Variants in PHAX observed in about 807,000 individuals in gnomAD.
PHAX encodes phosphorylated adapter RNA export protein.
A neutral mutation model predicts 41.6 loss-of-function variants in PHAX; 31 were observed. The ratio of observed to expected loss-of-function variants is 0.75; its 90% CI spans 0.56 to 1.01. The LOEUF is 1.01. Ranked by LOEUF, PHAX falls within the 50% of genes least tolerant of loss-of-function variation. The pLI, the probability that PHAX is intolerant of heterozygous loss-of-function variation, is 0.00. For missense variants in PHAX, 453 were observed against 472.9 expected, an observed-to-expected ratio of 0.96 and a Z score of 0.39; for synonymous variants, 175 against 164.9, an observed-to-expected ratio of 1.06 and a Z score of -0.47.
rs368214269 is a variant in PHAX, at chr5:126,604,052, G to C, written c.579G>C (p.Gly193=). 9.3e-6 allele frequency: 15 copies of C among 1,613,816 alleles called. No homozygotes were observed. Among genetic ancestry groups the C allele is most frequent in the Non-Finnish European group, 1.2e-5 (14 of 1,179,970 alleles). The change falls in exon 2 of 5, where the codon GGG becomes GGC. Residue 193 remains glycine (G), a synonymous_variant. Coordinates refer to ENST00000297540, the MANE Select transcript of PHAX (RefSeq NM_032177.4). The part of the protein sequence containing the change: ...KKMGSKEEEN[G]QGHLKRKRPV... The stretch of plus-strand genomic sequence containing the variant: ...TGGGATCAAAGGAAGAGGAAAATGG[G>C]CAAGGTCATCTCAAAAGGAAACGAC...
At chr5:126,615,143 T>G (rs1752164792) in intron 3 of PHAX, among the ~76,000 whole-genome samples, 1 of 152,150 alleles carries the variant, frequency 6.6e-6, no homozygotes, top group South Asian at 2.1e-4. Flanking sequence ...CTTAGAAACC[T>G]TATCAAGTAT....
chr5:126,624,089 A>G (rs1752311518), intron 4 of PHAX, among the ~76,000 whole-genome samples: 1 of 150,266 alleles, frequency 6.7e-6, no homozygotes, highest in South Asian at 2.1e-4. Context: ...GCTCACTGCA[A>G]CCTCTGTCTC....
At position 126,619,116 on chromosome 5, in the gene PHAX, G is replaced by A. The variant is rs150927017; in HGVS notation, c.915+1783G>A. Reference sequence around the variant, plus strand: ...TAATTTTTGTATTTTTTGTAGAGACGGAGTTTCTCCATGTTGGCCAGGCTG... The same window carrying A: ...TAATTTTTGTATTTTTTGTAGAGACAGAGTTTCTCCATGTTGGCCAGGCTG... On this transcript the variant is annotated intron_variant, in intron 4 of 4. Coordinates refer to ENST00000297540, the MANE Select transcript of PHAX (RefSeq NM_032177.4). 6.7e-3 allele frequency among the ~76,000 whole-genome samples: 1,026 copies of A among 152,042 alleles called. 12 individuals are homozygous for A. The highest frequency in any genetic ancestry group is 0.024 in the African/African-American group (991 of 41,482).
chr5:126,625,064 TC>T lies in PHAX; in HGVS notation c.*221del. The T allele has an allele frequency of 2.0e-6, 1 of 493,750 alleles. No individual in the cohort carries two copies. The highest frequency in any genetic ancestry group is 3.4e-5 in the East Asian group (1 of 28,992). The allele number at this position is 493,750 out of a possible 1,614,324, so 30.6% of individuals were successfully genotyped here. ...AGAGTATATAGCACAGGATTTAATTTCTCAATCTGTTGCATGTGCTAATTAT... is the reference window on the plus strand; with the variant it reads ...AGAGTATATAGCACAGGATTTAATTTTCAATCTGTTGCATGTGCTAATTAT... On this transcript the variant is annotated 3_prime_UTR_variant, in exon 5 of 5. Coordinates refer to ENST00000297540, the MANE Select transcript of PHAX (RefSeq NM_032177.4).
In PHAX at chr5:126,602,106, C is replaced by T. The variant is rs536212560; in HGVS notation, c.96+1048C>T. Among the ~76,000 whole-genome samples the T allele has an allele frequency of 9.2e-5, 14 of 152,064 alleles. No individual in the cohort carries two copies. The East Asian group carries it at 1.5e-3, about 17-fold the overall frequency. On this transcript the variant is annotated intron_variant, in intron 1 of 4. Transcript: ENST00000297540. ...GATTACAGGCGTGAGCCACCTCGCCCGGCCTAATTTTTGTATTTTTAGTAG... is the reference window on the plus strand; with the variant it reads ...GATTACAGGCGTGAGCCACCTCGCCTGGCCTAATTTTTGTATTTTTAGTAG...
In PHAX at chr5:126,604,182, A is replaced by C; in HGVS notation, c.709A>C (p.Arg237=). 2 of 1,523,662 alleles carry C rather than the reference A, an allele frequency of 1.3e-6. No homozygotes were observed. Among genetic ancestry groups the C allele is most frequent in the Non-Finnish European group, 1.8e-6 (2 of 1,138,550 alleles). The allele number at this position is 1,523,662 out of a possible 1,614,324, so 94.4% of individuals were successfully genotyped here. A position where few individuals can be genotyped will look rare whatever the true frequency, so the allele number is the denominator to read the frequency against. Residue 237 remains arginine, a splice_region_variant and synonymous_variant, in exon 2 of 5, where the codon AGG becomes CGG. Transcript: ENST00000297540. ...QEKVADEISF[R]LQEPKKDLIA... Reference sequence around the variant, plus strand: ...GAAAGTGGCTGATGAAATTTCATTCAGGTGAGCATTTGAATTACAAATAAG... The same window carrying C: ...GAAAGTGGCTGATGAAATTTCATTCCGGTGAGCATTTGAATTACAAATAAG...
At chr5:126,622,200 C>A (rs1367567837) in intron 4 of PHAX, among the ~76,000 whole-genome samples, 4 of 152,164 alleles carry the variant, frequency 2.6e-5, no homozygotes, top group African/African-American at 4.8e-5. Flanking sequence ...GTGGCGCGCT[C>A]TCGGCTCACT....
intron 3 of PHAX, among the ~76,000 whole-genome samples, chr5:126,614,534 T>A (rs1346570883): frequency 6.6e-6 from 1 of 152,128 alleles, no homozygotes; most frequent in Non-Finnish European, 1.5e-5. Flanking sequence ...TAAGGGAAAT[T>A]TATGTGTACA....
At chr5:126,608,221 T>A (rs1752019924) in intron 2 of PHAX, 143 bp from the exon 3 acceptor site, 6 of 873,870 alleles carry the variant, frequency 6.9e-6, no homozygotes, top group African/African-American at 1.7e-5. Flanking sequence ...TATTTACATG[T>A]CAGTGATTCC....
chr5:126,606,702 A>T (rs1388717310), intron 2 of PHAX, among the ~76,000 whole-genome samples: 2 of 151,900 alleles, frequency 1.3e-5, no homozygotes, highest in Non-Finnish European at 2.9e-5. Flanking sequence ...CCCAGGATGG[A>T]GTGCAGTGGC....
intron 1 of PHAX, among the ~76,000 whole-genome samples, chr5:126,602,465 T>TA (rs1199754342): frequency 6.6e-6 from 1 of 152,244 alleles, no homozygotes; most frequent in Non-Finnish European, 1.5e-5. Flanking sequence ...CTGTGGAGCA[T>TA]ACAGTGTGCA....
Position 126,611,095 on chromosome 5 carries a change from G to T in PHAX, c.831+2611G>T, listed in dbSNP as rs1401935484. ...TTTGAGATGTAGTTTTGCTCTTGTT[G>T]CCCAGGCTGGAGTCCAATGGCGCAA... On this transcript the variant is annotated intron_variant, in intron 3 of 4. Coordinates refer to ENST00000297540, the MANE Select transcript of PHAX (RefSeq NM_032177.4). Among the ~76,000 whole-genome samples the T allele has an allele frequency of 2.0e-5, 3 of 146,736 alleles. No individual in the cohort carries two copies. In the Admixed American group the frequency reaches 2.1e-4, roughly 10 times the overall value.
chr5:126,608,223 A>C (rs1752019954), intron 2 of PHAX, 141 bp from the exon 3 acceptor site: 4 of 878,810 alleles, frequency 4.6e-6, no homozygotes, highest in Non-Finnish European at 5.0e-6. Context: ...TTTACATGTC[A>C]GTGATTCCAA....
intron 3 of PHAX, among the ~76,000 whole-genome samples, chr5:126,611,352 C>A (rs1278553503): frequency 1.3e-5 from 2 of 152,238 alleles, no homozygotes; most frequent in African/African-American, 4.8e-5. Flanking sequence ...CCACGCCCGG[C>A]CTCCAAATTT....
Position 126,604,159 on chromosome 5 carries a change from A to C in PHAX, c.686A>C (p.Lys229Thr). The part of the protein sequence containing the change: ...YEITAEDSQE[K>T]VADEISFRLQ... ...ATCACAGCGGAAGATTCTCAAGAGA[A>C]AGTGGCTGATGAAATTTCATTCAGG... is the stretch of plus-strand genomic sequence containing the variant. Residue 229 changes from lysine to threonine, a missense_variant, in exon 2 of 5, where the codon AAA becomes ACA. Transcript: ENST00000297540. 1 of 1,535,552 alleles carries C rather than the reference A, an allele frequency of 6.5e-7. No individual in the cohort carries two copies. Among genetic ancestry groups the C allele is most frequent in the Non-Finnish European group, 8.7e-7 (1 of 1,144,040 alleles).
In PHAX at chr5:126,621,930, C is replaced by G. The variant is rs184692199; in HGVS notation, c.916-2645C>G. Among the ~76,000 whole-genome samples the G allele has an allele frequency of 1.9e-3, 290 of 152,246 alleles. 1 individual carries two copies. Among genetic ancestry groups the G allele is most frequent in the Admixed American group, 6.7e-3 (103 of 15,274 alleles). On this transcript the variant is annotated intron_variant, in intron 4 of 4. Coordinates refer to ENST00000297540, the MANE Select transcript of PHAX (RefSeq NM_032177.4). ...ACTTTGTTCTATTAAATTCATAACGCATGGGAATGAAGTTTGTTTTTATTT... is the reference window on the plus strand; with the variant it reads ...ACTTTGTTCTATTAAATTCATAACGGATGGGAATGAAGTTTGTTTTTATTT...
chr5:126,608,952 T>TA (rs1752034060), intron 3 of PHAX, among the ~76,000 whole-genome samples: 1 of 133,894 alleles, frequency 7.5e-6, no homozygotes. Flanking sequence ...AAAAAAAGAA[T>TA]AAAAAGAAAA....
At chr5:126,606,065 T>G (rs1317197685) in intron 2 of PHAX, among the ~76,000 whole-genome samples, 3 of 152,224 alleles carry the variant, frequency 2.0e-5, no homozygotes, top group Non-Finnish European at 4.4e-5. Context: ...TCTATAAATT[T>G]GCCTTTTTTG....
intron 3 of PHAX, among the ~76,000 whole-genome samples, chr5:126,610,409 T>C (rs1280232324): frequency 6.6e-6 from 1 of 152,160 alleles, no homozygotes; most frequent in Non-Finnish European, 1.5e-5. Context: ...TATTGTGCTT[T>C]GGACATGGGG....
Sources: gnomAD v4.1 joint callset for allele counts (sites outside exome capture counted in the v4.1 genomes callset) on GRCh38, gnomAD v4.1.1 for gene constraint, MANE v1.5 for transcripts, NCBI Gene and HGNC (gene_info 2026-07-23, HGNC 2026-07-21) for gene names.